Variants in WDR27 observed in about 807,000 individuals in gnomAD.
WDR27 encodes WD repeat-containing protein 27.
In WDR27, 100 loss-of-function variants were observed where a neutral mutation model predicts 114.4. The observed-to-expected ratio is 0.87, with a 90% CI of 0.74 to 1.03. The LOEUF (loss-of-function observed/expected upper bound fraction) is 1.03. Ranked by LOEUF, WDR27 falls within the 50% of genes least tolerant of loss-of-function variation. The pLI, the probability that WDR27 is intolerant of heterozygous loss-of-function variation, is 0.00. For missense variants in WDR27, 1,129 were observed against 1,092.9 expected, an observed-to-expected ratio of 1.03 and a Z score of -0.47; for synonymous variants, 449 against 423.1, an observed-to-expected ratio of 1.06 and a Z score of -0.75.
intron 25 of WDR27, among the ~76,000 whole-genome samples, chr6:169,532,796 C>G (rs1164627455): frequency 6.6e-6 from 1 of 150,924 alleles, no homozygotes; most frequent in African/African-American, 2.4e-5. Flanking sequence ...GTCCCTTAAT[C>G]TAGACCCCAA....
chr6:169,484,932 A>G (rs1331754081), intron 25 of WDR27, among the ~76,000 whole-genome samples: 4 of 152,214 alleles, frequency 2.6e-5, no homozygotes, highest in Non-Finnish European at 5.9e-5. Context: ...AGGACTCCCT[A>G]TTCAATAAAT....
At chr6:169,531,798 C>A (rs1427475301) in intron 25 of WDR27, among the ~76,000 whole-genome samples, 1 of 152,078 alleles carries the variant, frequency 6.6e-6, no homozygotes, top group Admixed American at 6.5e-5. Flanking sequence ...GGATTACAGG[C>A]ACCCACCACC....
intron 25 of WDR27, among the ~76,000 whole-genome samples, chr6:169,552,225 G>A (rs568529979): frequency 6.6e-6 from 1 of 152,204 alleles, no homozygotes; most frequent in South Asian, 2.1e-4. Flanking sequence ...CAGAGTCGCT[G>A]TCCCCACCTG....
chr6:169,560,340 A>G (rs1457924687), intron 25 of WDR27, among the ~76,000 whole-genome samples: 1 of 152,196 alleles, frequency 6.6e-6, no homozygotes, highest in Non-Finnish European at 1.5e-5. Context: ...CCGCAAGTCA[A>G]ATTAAACCTA....
In WDR27 at chr6:169,546,937, T is replaced by C. The variant is rs543882913; in HGVS notation, c.2645+25482A>G. Among the ~76,000 whole-genome samples the C allele has an allele frequency of 8.2e-4, 125 of 151,546 alleles. 1 individual carries two copies. The highest frequency in any genetic ancestry group is 2.9e-3 in the African/African-American group (121 of 41,300). ...GTTCTCACAAGTGAAAGTGGGGAGA[T>C]AGCCAAGAAAAAAAGGGACAGGACA... On this transcript the variant is annotated intron_variant, in intron 25 of 25. Coordinates refer to ENST00000448612, the MANE Select transcript of WDR27 (RefSeq NM_182552.5).
At chr6:169,482,089 G>T (rs141223913) in intron 25 of WDR27, among the ~76,000 whole-genome samples, 1 of 152,310 alleles carries the variant, frequency 6.6e-6, no homozygotes, top group East Asian at 1.9e-4. Context: ...AAGGATAGTG[G>T]CCTCCAGCTT....
chr6:169,697,848 G>A (rs918708822), intron 1 of WDR27, among the ~76,000 whole-genome samples: 9 of 152,088 alleles, frequency 5.9e-5, no homozygotes, highest in East Asian at 3.9e-4. Context: ...GGCCACTACC[G>A]GTCTCCGTGA....
chr6:169,535,332 C>T (rs889230865), intron 25 of WDR27, among the ~76,000 whole-genome samples: 6 of 152,164 alleles, frequency 3.9e-5, no homozygotes, highest in Non-Finnish European at 8.8e-5. Flanking sequence ...GCTTGCTTGA[C>T]ATGTCAGGGC....
In WDR27 at chr6:169,612,631, T is replaced by TAAA. The variant is rs59134868; in HGVS notation, c.2321+925_2321+927dup. 2.4e-3 allele frequency among the ~76,000 whole-genome samples: 229 copies of TAAA among 96,948 alleles called. 3 individuals are homozygous for TAAA. The highest frequency in any genetic ancestry group is 0.01 in the East Asian group (28 of 2,774). The allele number at this position is 96,948 out of a possible 152,430, so 63.6% of individuals were successfully genotyped here. On this transcript the variant is annotated intron_variant, in intron 22 of 25. Transcript: ENST00000448612. ...TGACAGAGCGAGACTCTGTCTAACA[T>TAAA]AAAAAAAAAAAAAAAAAAAAAAGCA...
intron 16 of WDR27, among the ~76,000 whole-genome samples, chr6:169,647,413 G>A (rs2128237330): frequency 6.6e-6 from 1 of 152,346 alleles, no homozygotes; most frequent in Admixed American, 6.5e-5. Flanking sequence ...AGCAGTGACT[G>A]TTCCATTAGC....
intron 9 of WDR27, among the ~76,000 whole-genome samples, chr6:169,662,100 T>C (rs532332666): frequency 6.6e-6 from 1 of 152,344 alleles, no homozygotes; most frequent in South Asian, 2.1e-4. Context: ...CCAATTCCTT[T>C]TATTAAAGAC....
intron 25 of WDR27, chr6:169,558,390 G>C (rs960532321): frequency 2.6e-5 from 4 of 152,062 alleles, no homozygotes; most frequent in Non-Finnish European, 5.9e-5. Context: ...CATTGGCCAG[G>C]CTGGAAACAG....
rs189442400 is a variant in WDR27 at position 169,468,259 on chromosome 6, T to C, written c.2646-10625A>G. ...GGAAATTCCAAACGTTCTCACATCT[T>C]CCTGTCTTCTTCTGAGCCCTCCAAA... On this transcript the variant is annotated intron_variant, in intron 25 of 25. Coordinates refer to ENST00000448612, the MANE Select transcript of WDR27 (RefSeq NM_182552.5). Among the ~76,000 whole-genome samples, 683 of 152,300 alleles carry C rather than the reference T, an allele frequency of 4.5e-3. 6 individuals carry two copies. Among genetic ancestry groups the C allele is most frequent in the African/African-American group, 0.016 (653 of 41,574 alleles).
the WDR27 span, among the ~76,000 whole-genome samples, chr6:169,428,612 G>A: frequency 6.6e-6 from 1 of 151,134 alleles, no homozygotes; most frequent in South Asian, 2.1e-4. Context: ...GGGGGGAGGG[G>A]GGGGTTCTAC....
chr6:169,501,715 C>T (rs1583815119), intron 25 of WDR27, among the ~76,000 whole-genome samples: 2 of 25,984 alleles, frequency 7.7e-5, no homozygotes, highest in Admixed American at 3.2e-4. Context: ...CGACCCTTTT[C>T]TTTAATACCG....
At chr6:169,588,380 A>G (rs1439582531) in intron 23 of WDR27, among the ~76,000 whole-genome samples, 1 of 152,266 alleles carries the variant, frequency 6.6e-6, no homozygotes, top group Non-Finnish European at 1.5e-5. Context: ...AAAACAGACT[A>G]GTATCTACAT....
chr6:169,661,431 A>G (rs1299592734), intron 9 of WDR27, among the ~76,000 whole-genome samples: 1 of 152,170 alleles, frequency 6.6e-6, no homozygotes. Flanking sequence ...GAGGCTGGAC[A>G]TGGACTTGGC....
At chr6:169,495,809 C>A (rs1790327665) in intron 25 of WDR27, among the ~76,000 whole-genome samples, 1 of 152,002 alleles carries the variant, frequency 6.6e-6, no homozygotes, top group Non-Finnish European at 1.5e-5. Context: ...AGCCCTGAAT[C>A]TGATGACTTC....
chr6:169,460,316 G>T (rs1784759829), intron 25 of WDR27, among the ~76,000 whole-genome samples: 1 of 152,158 alleles, frequency 6.6e-6, no homozygotes, highest in African/African-American at 2.4e-5. Flanking sequence ...GGACAGAGAT[G>T]TAAAGAAACA....
Sources: allele counts gnomAD v4.1 joint callset (sites outside exome capture counted in the v4.1 genomes callset), GRCh38; gene constraint gnomAD v4.1.1; transcripts MANE v1.5; gene names NCBI Gene and HGNC (gene_info 2026-07-23, HGNC 2026-07-21).